TACR1: variants seen among roughly 807,000 people sequenced by gnomAD.
TACR1 encodes the protein substance-P receptor.
A neutral mutation model predicts 35.8 loss-of-function variants in TACR1; 25 were observed. That is an observed-to-expected ratio of 0.70 (90% CI 0.51 to 0.98). The LOEUF is 0.98. TACR1 is among the 50% of genes least tolerant of loss of function. The probability of loss-of-function intolerance (pLI) is 0.00; values close to 1 mark genes in which losing one functional copy is unlikely to be tolerated. For missense variants in TACR1, 478 were observed against 522.9 expected, an observed-to-expected ratio of 0.91 and a Z score of 0.84; for synonymous variants, 195 against 206.7, an observed-to-expected ratio of 0.94 and a Z score of 0.48.
At chr2:75,119,602 A>G (rs2103905929) in intron 2 of TACR1, among the ~76,000 whole-genome samples, 1 of 152,338 alleles carries the variant, frequency 6.6e-6, no homozygotes, top group East Asian at 1.9e-4. Context: ...TTTCAAGGAT[A>G]AGAAGTCTTG....
At chr2:75,113,452 TGTA>T (rs1673790174) in intron 2 of TACR1, among the ~76,000 whole-genome samples, 1 of 151,928 alleles carries the variant, frequency 6.6e-6, no homozygotes, top group African/African-American at 2.4e-5. Context: ...CTACCAGAAA[TGTA>T]GTAAAATTTC....
intron 2 of TACR1, among the ~76,000 whole-genome samples, chr2:75,088,037 C>T (rs1015992158): frequency 2.0e-5 from 3 of 152,200 alleles, no homozygotes; most frequent in East Asian, 1.9e-4. Flanking sequence ...CCCCATGTCT[C>T]GGTCCTCATT....
rs1672392988 is a variant in TACR1, at chr2:75,047,869, G to T, written c.*1563C>A. The T allele has an allele frequency of 6.6e-6, 1 of 152,122 alleles. No homozygotes were observed. Among genetic ancestry groups the T allele is most frequent in the Non-Finnish European group, 1.5e-5 (1 of 68,036 alleles). 9.4% of individuals were successfully genotyped at this position (152,122 alleles called of 1,614,324 possible). On this transcript the variant is annotated 3_prime_UTR_variant, in exon 5 of 5. Coordinates refer to ENST00000305249, the MANE Select transcript of TACR1 (RefSeq NM_001058.4). ...TTCTCCCCTTAATGTTATGGATGCG[G>T]CACATGTGCATCCATTATGCAAACT...
intron 2 of TACR1, among the ~76,000 whole-genome samples, chr2:75,070,628 T>A (rs1282174077): frequency 6.6e-6 from 1 of 152,248 alleles, no homozygotes; most frequent in Non-Finnish European, 1.5e-5. Context: ...TTCTGCATTG[T>A]TTCTCCTGTG....
intron 1 of TACR1, among the ~76,000 whole-genome samples, chr2:75,164,335 AAAAAAG>A (rs1318237499): frequency 6.6e-6 from 1 of 151,736 alleles, no homozygotes; most frequent in African/African-American, 2.4e-5. Context: ...TTAAAAAAAA[AAAAAAG>A]AAAAAGCAGG....
At chr2:75,155,073 A>G (rs1332718442) in intron 1 of TACR1, among the ~76,000 whole-genome samples, 1 of 152,146 alleles carries the variant, frequency 6.6e-6, no homozygotes, top group East Asian at 1.9e-4. Flanking sequence ...TTTATTTTGG[A>G]AGGCTGTTAC....
chr2:75,074,611 A>G (rs1335589671), intron 2 of TACR1, among the ~76,000 whole-genome samples: 1 of 152,198 alleles, frequency 6.6e-6, no homozygotes. Context: ...AATATGACCC[A>G]GATTTTTCTT....
chr2:75,149,938 T>G (rs575498442), intron 1 of TACR1, among the ~76,000 whole-genome samples: 1 of 152,310 alleles, frequency 6.6e-6, no homozygotes, highest in Non-Finnish European at 1.5e-5. Flanking sequence ...TATTGAGAGT[T>G]TTTAAGCATG....
At chr2:75,112,531 T>G (rs1042844644) in intron 2 of TACR1, among the ~76,000 whole-genome samples, 1 of 152,176 alleles carries the variant, frequency 6.6e-6, no homozygotes. Context: ...TATTTTCTTA[T>G]GCCGTCCAGT....
At chr2:75,053,236 C>T (rs1672504268) in intron 3 of TACR1, among the ~76,000 whole-genome samples, 1 of 152,170 alleles carries the variant, frequency 6.6e-6, no homozygotes, top group Non-Finnish European at 1.5e-5. Context: ...TTCTTCATCA[C>T]TATAATTTTG....
chr2:75,096,878 A>G (rs1487490772), intron 2 of TACR1, among the ~76,000 whole-genome samples: 2 of 152,176 alleles, frequency 1.3e-5, no homozygotes, highest in Non-Finnish European at 2.9e-5. Context: ...CCTCAGACCC[A>G]GGGCCAAACC....
At chr2:75,156,843 T>C (rs1271632324) in intron 1 of TACR1, among the ~76,000 whole-genome samples, 6 of 152,226 alleles carry the variant, frequency 3.9e-5, no homozygotes, top group African/African-American at 1.4e-4. Context: ...TGGATTTGGG[T>C]ATGCTCATTA....
At position 75,198,899 on chromosome 2, in the gene TACR1, G is replaced by C. The variant is rs1429847047; in HGVS notation, c.36C>G (p.Ser12=). The C allele has an allele frequency of 6.2e-7, 1 of 1,613,840 alleles. No individual in the cohort carries two copies. The highest frequency in any genetic ancestry group is 2.2e-5 in the East Asian group (1 of 44,874). ...DNVLPVDSDL[S]PNISTNTSEP... Reference sequence around the variant, plus strand: ...CCGAGGTGTTAGTGGAGATGTTTGGGGAGAGGTCTGAGTCCACCGGGAGGA... The same window carrying C: ...CCGAGGTGTTAGTGGAGATGTTTGGCGAGAGGTCTGAGTCCACCGGGAGGA... The change falls in exon 1 of 5, where the codon TCC becomes TCG. Residue 12 remains serine (S), a synonymous_variant. Coordinates refer to ENST00000305249, the MANE Select transcript of TACR1 (RefSeq NM_001058.4).
chr2:75,051,814 C>T (rs1367954511), intron 3 of TACR1, among the ~76,000 whole-genome samples: 1 of 152,164 alleles, frequency 6.6e-6, no homozygotes, highest in South Asian at 2.1e-4. Flanking sequence ...TTGGGGACTA[C>T]TGTGTTACAT....
chr2:75,174,371 GT>G (rs1046106023), intron 1 of TACR1, among the ~76,000 whole-genome samples: 25 of 152,114 alleles, frequency 1.6e-4, no homozygotes, highest in Admixed American at 5.2e-4. Flanking sequence ...ACTAAATTAT[GT>G]TTTTTTGATC....
chr2:75,068,728 C>T (rs991493369), intron 2 of TACR1, among the ~76,000 whole-genome samples: 3 of 152,146 alleles, frequency 2.0e-5, no homozygotes, highest in African/African-American at 7.2e-5. Context: ...TAACTCGGGA[C>T]ACCACTCACA....
chr2:75,051,064 C>T (rs1030561934), intron 4 of TACR1, 187 bp downstream of exon 4: 8 of 697,948 alleles, frequency 1.1e-5, no homozygotes, highest in Non-Finnish European at 1.5e-5. Context: ...AATCAGTCCA[C>T]TCCGGGCTCC....
rs1176393160 is a variant in TACR1, at chr2:75,046,794, A to T, written c.*2638T>A. 6.6e-6 allele frequency: 1 copy of T among 152,272 alleles called. No individual in the cohort carries two copies. Among genetic ancestry groups the T allele is most frequent in the Admixed American group, 6.5e-5 (1 of 15,282 alleles). 9.4% of individuals were successfully genotyped at this position (152,272 alleles called of 1,614,324 possible). A position where few individuals can be genotyped will look rare whatever the true frequency, so the allele number is the denominator to read the frequency against. The stretch of plus-strand genomic sequence containing the variant: ...CTGAGAAAGCATGAGGAGGAAGAGG[A>T]GGAAGAGATTCACACAATACAAATA... On this transcript the variant is annotated 3_prime_UTR_variant, in exon 5 of 5. Transcript: ENST00000305249.
intron 1 of TACR1, among the ~76,000 whole-genome samples, chr2:75,136,594 T>A (rs1035467586): frequency 2.0e-5 from 3 of 152,162 alleles, no homozygotes; most frequent in African/African-American, 7.2e-5. Context: ...GCCTATCCCC[T>A]CTGTGATTCC....
Sources: allele counts gnomAD v4.1 joint callset (sites outside exome capture counted in the v4.1 genomes callset), GRCh38; gene constraint gnomAD v4.1.1; transcripts MANE v1.5; gene names NCBI Gene and HGNC (gene_info 2026-07-23, HGNC 2026-07-21).